BARHL1: variants seen among roughly 807,000 people sequenced by gnomAD.
BARHL1 encodes the protein BarH like homeobox 1.
BARHL1 carries 2 observed loss-of-function variants against 20.1 expected under a neutral mutation model. The observed-to-expected ratio is 0.10, with a 90% CI of 0.04 to 0.31. BARHL1 has a LOEUF of 0.31. Among genes scored for constraint, BARHL1 ranks in the 10% least tolerant of loss-of-function variants. The pLI is 1.00. For synonymous variants in BARHL1, 213 were observed against 209.9 expected (o/e 1.01, Z -0.13); for missense variants, 397 against 454.0 (o/e 0.87, Z 1.14).
At chr9:132,583,290 G>A (rs1053004172) in intron 1 of BARHL1, 27 bp downstream of exon 1, 1 of 1,571,612 alleles carries the variant, frequency 6.4e-7, no homozygotes, top group Non-Finnish European at 8.7e-7. Context: ...TGAAAACTTG[G>A]GGGGATGCTA....
At chr9:132,583,352 C>T (rs1034843228) in intron 1 of BARHL1, 89 bp downstream of exon 1, 22 of 1,213,430 alleles carry the variant, frequency 1.8e-5, no homozygotes, top group Middle Eastern at 2.0e-4. Context: ...GACATGCACT[C>T]GCTCACCTGG....
rs766626847 is a variant in BARHL1, at chr9:132,589,282, C to T, written c.744C>T (p.Gly248=). The T allele has an allele frequency of 6.2e-7, 1 of 1,613,212 alleles. No homozygotes were observed. Among genetic ancestry groups the T allele is most frequent in the Non-Finnish European group, 8.5e-7 (1 of 1,179,856 alleles). The stretch of plus-strand genomic sequence containing the variant: ...GGTTGGAGCTGCTGGCGGAGGCAGG[C>T]AATTACTCAGCGCTCCAGCGGATGT... ...AVGLELLAEA[G]NYSALQRMFP... The change falls in exon 3 of 3, where the codon GGC becomes GGT. Residue 248 remains glycine, a synonymous_variant. Transcript: ENST00000263610.
Position 132,589,286 on chromosome 9 carries a change from T to G in BARHL1, c.748T>G (p.Tyr250Asp). ...GLELLAEAGN[Y>D]SALQRMFPSP... ...GGAGCTGCTGGCGGAGGCAGGCAAT[T>G]ACTCAGCGCTCCAGCGGATGTTCCC... The change falls in exon 3 of 3, where the codon TAC becomes GAC. Residue 250 changes from tyrosine (Y) to aspartate (D), a missense_variant. This residue lies in a region of BARHL1 where 121 missense variants were observed against 135.9 expected (regional missense o/e 0.89). Transcript: ENST00000263610. The G allele has an allele frequency of 6.2e-7, 1 of 1,613,290 alleles. No individual in the cohort carries two copies. Among genetic ancestry groups the G allele is most frequent in the Non-Finnish European group, 8.5e-7 (1 of 1,179,890 alleles).
chr9:132,587,498 C>A lies in BARHL1; in HGVS notation c.636C>A (p.Ala212=). ...YLSVQDRMEL[A]ASLNLTDTQV... is the part of the protein sequence containing the mutation. ...GCGTGCAGGACCGCATGGAGCTCGC[C>A]GCCTCGCTCAACCTCACCGACACGC... Residue 212 remains alanine (A), a synonymous_variant, in exon 2 of 3, where the codon GCC becomes GCA. Transcript: ENST00000263610. The surrounding 1 kb of genome is among the most constrained non-coding windows in gnomAD (Gnocchi z 5.5). The A allele has an allele frequency of 6.2e-7, 1 of 1,612,662 alleles. No homozygotes were observed. The highest frequency in any genetic ancestry group is 8.5e-7 in the Non-Finnish European group (1 of 1,179,598).
intron 1 of BARHL1, 72 bp downstream of exon 1, chr9:132,583,335 A>C: frequency 1.2e-5 from 16 of 1,299,244 alleles, no homozygotes; most frequent in South Asian, 4.4e-5. Context: ...AGGAATACAC[A>C]TGGCGGGACA....
chr9:132,588,246 C>T (rs1479586172), intron 2 of BARHL1, among the ~76,000 whole-genome samples: 5 of 152,172 alleles, frequency 3.3e-5, no homozygotes, highest in Admixed American at 6.5e-5. Flanking sequence ...TAGCCACACA[C>T]CGACACACAC....
chr9:132,589,056 G>A (rs1209708562), intron 2 of BARHL1, among the ~76,000 whole-genome samples, 172 bp from the exon 3 acceptor site: 1 of 152,212 alleles, frequency 6.6e-6, no homozygotes, highest in Non-Finnish European at 1.5e-5. Flanking sequence ...GATAAAAGGA[G>A]AGGATGCACG....
At position 132,589,718 on chromosome 9, in the gene BARHL1, G is replaced by T; in HGVS notation, c.*196G>T. On this transcript the variant is annotated 3_prime_UTR_variant, in exon 3 of 3. Transcript: ENST00000263610. ...CCGGACCCCGGACTGCGTCTCCCCA[G>T]CCCCCCTCGGCGTCCTCTCTCGCGG... 1.4e-6 allele frequency: 1 copy of T among 704,620 alleles called. No individual in the cohort carries two copies. The highest frequency in any genetic ancestry group is 1.9e-6 in the Non-Finnish European group (1 of 517,200). 43.6% of individuals were successfully genotyped at this position (704,620 alleles called of 1,614,324 possible).
Position 132,582,683 on chromosome 9 carries a change from C to A in BARHL1, c.-115C>A. 1.0e-6 allele frequency: 1 copy of A among 992,278 alleles called. No individual in the cohort carries two copies. Among genetic ancestry groups the A allele is most frequent in the Non-Finnish European group, 1.5e-6 (1 of 681,148 alleles). The allele number at this position is 992,278 out of a possible 1,614,324, so 61.5% of individuals were successfully genotyped here. ...AAGGCTGAACTCCGTCCAAGGTGCC[C>A]GCAGGCTCCCTGCCCGCCTTCCCCA... On this transcript the variant is annotated 5_prime_UTR_variant, in exon 1 of 3. Coordinates refer to ENST00000263610, the MANE Select transcript of BARHL1 (RefSeq NM_020064.4).
chr9:132,587,603 A>G lies in BARHL1; in HGVS notation c.689+52A>G, dbSNP rs371244478. 2.1e-5 allele frequency: 31 copies of G among 1,508,694 alleles called. No individual in the cohort carries two copies. Among genetic ancestry groups the G allele is most frequent in the African/African-American group, 1.9e-4 (14 of 72,450 alleles). The allele number at this position is 1,508,694 out of a possible 1,614,324, so 93.5% of individuals were successfully genotyped here. A position where few individuals can be genotyped will look rare whatever the true frequency, so the allele number is the denominator to read the frequency against. On this transcript the variant is annotated intron_variant, in intron 2 of 2. Coordinates refer to ENST00000263610, the MANE Select transcript of BARHL1 (RefSeq NM_020064.4). This position sits in a 1 kb window ranked among gnomAD's most constrained non-coding sequence, Gnocchi z 5.5. ...CAGAAAGGGAACTTCCCCTTTCCTC[A>G]CAGCTCCTGGAGGGGACCAGGAGTC...
chr9:132,584,745 G>A (rs1830120038), intron 1 of BARHL1, among the ~76,000 whole-genome samples: 1 of 152,224 alleles, frequency 6.6e-6, no homozygotes, highest in South Asian at 2.1e-4. Flanking sequence ...GCCAGGAGGA[G>A]ATCCAGAGGC....
In BARHL1 at chr9:132,583,007, C is replaced by T. The variant is rs2119129838; in HGVS notation, c.210C>T (p.Ser70=). The T allele has an allele frequency of 1.9e-6, 3 of 1,613,780 alleles. No homozygotes were observed. The highest frequency in any genetic ancestry group is 2.5e-6 in the Non-Finnish European group (3 of 1,179,944). ...GGACCCCACGGCCTGGCGGGGCATC[C>T]GGCCCAGGTTTGGACTCCCACCTGC... ...ETGTPRPGGA[S]GPGLDSHLQP... is the part of the protein sequence containing the mutation. Residue 70 remains serine, a synonymous_variant, in exon 1 of 3, where the codon TCC becomes TCT. Coordinates refer to ENST00000263610, the MANE Select transcript of BARHL1 (RefSeq NM_020064.4).
chr9:132,585,627 A>G (rs916922803), intron 1 of BARHL1, among the ~76,000 whole-genome samples: 1 of 152,184 alleles, frequency 6.6e-6, no homozygotes, highest in African/African-American at 2.4e-5. Context: ...ACTGAGATGT[A>G]GCCTCTAGAA....
In BARHL1 at chr9:132,582,900, C is replaced by T. The variant is rs140268500; in HGVS notation, c.103C>T (p.Pro35Ser). The T allele has an allele frequency of 2.5e-6, 4 of 1,613,338 alleles. No individual in the cohort carries two copies. The highest frequency in any genetic ancestry group is 2.7e-5 in the African/African-American group (2 of 74,928). ...CCCCTTGCTCGGGGACTGCCGTTCGCCCCTGGAGCTGAGTCCACGCTCAGA... is the reference window on the plus strand; with the variant it reads ...CCCCTTGCTCGGGGACTGCCGTTCGTCCCTGGAGCTGAGTCCACGCTCAGA... ...GDPLLGDCRS[P>S]LELSPRSESS... Residue 35 changes from proline to serine, a missense_variant, in exon 1 of 3, where the codon CCC becomes TCC. By Grantham distance (74) the Pro-to-Ser change is moderately conservative. This residue lies in a region of BARHL1 where 272 missense variants were observed against 298.7 expected (regional missense o/e 0.91). Coordinates refer to ENST00000263610, the MANE Select transcript of BARHL1 (RefSeq NM_020064.4).
intron 1 of BARHL1, among the ~76,000 whole-genome samples, chr9:132,586,831 C>A (rs1304755822): frequency 6.6e-6 from 1 of 152,264 alleles, no homozygotes. Context: ...CCGGAGAGAG[C>A]AGGTTTTTGT....
In BARHL1 at chr9:132,589,585, C is replaced by T; in HGVS notation, c.*63C>T. On this transcript the variant is annotated 3_prime_UTR_variant, in exon 3 of 3. Coordinates refer to ENST00000263610, the MANE Select transcript of BARHL1 (RefSeq NM_020064.4). ...GGCGTGGCCCCTTCCGCCCGCCTTTCTGAGGGCGCAGGTTCGACGCCCTTT... is the reference window on the plus strand; with the variant it reads ...GGCGTGGCCCCTTCCGCCCGCCTTTTTGAGGGCGCAGGTTCGACGCCCTTT... 1 of 1,240,806 alleles carries T rather than the reference C, an allele frequency of 8.1e-7. No individual in the cohort carries two copies. The highest frequency in any genetic ancestry group is 3.7e-5 in the South Asian group (1 of 27,178). The allele number at this position is 1,240,806 out of a possible 1,614,324, so 76.9% of individuals were successfully genotyped here. A position where few individuals can be genotyped will look rare whatever the true frequency, so the allele number is the denominator to read the frequency against.
In BARHL1 at chr9:132,587,105, G is replaced by A. The variant is rs1767799058; in HGVS notation, c.467-224G>A. On this transcript the variant is annotated intron_variant, in intron 1 of 2. Coordinates refer to ENST00000263610, the MANE Select transcript of BARHL1 (RefSeq NM_020064.4). This position sits in a 1 kb window ranked among gnomAD's most constrained non-coding sequence, Gnocchi z 5.5. ...GGTTCTTTCTCCCCGGAGCTGCCCG[G>A]GGGGTCTCGGCCTCGGGCGCTCCCG... 6.6e-6 allele frequency among the ~76,000 whole-genome samples: 1 copy of A among 151,976 alleles called. No individual in the cohort carries two copies. Among genetic ancestry groups the A allele is most frequent in the African/African-American group, 2.4e-5 (1 of 41,444 alleles).
rs1830160654 is a variant in BARHL1, at chr9:132,587,879, C to G, written c.689+328C>G. Among the ~76,000 whole-genome samples the G allele has an allele frequency of 6.6e-6, 1 of 152,204 alleles. No homozygotes were observed. Among genetic ancestry groups the G allele is most frequent in the Non-Finnish European group, 1.5e-5 (1 of 68,032 alleles). ...GGTCTGCCTGGAGCCCCCACCTGAG[C>G]CAGCGTGGGTCTTGGAAGCCCCAGG... On this transcript the variant is annotated intron_variant, in intron 2 of 2. Transcript: ENST00000263610. This position sits in a 1 kb window ranked among gnomAD's most constrained non-coding sequence, Gnocchi z 5.5.
chr9:132,589,699 C>G lies in BARHL1; in HGVS notation c.*177C>G. 1 of 880,506 alleles carries G rather than the reference C, an allele frequency of 1.1e-6. No individual in the cohort carries two copies. The highest frequency in any genetic ancestry group is 1.5e-6 in the Non-Finnish European group (1 of 676,158). 54.5% of individuals were successfully genotyped at this position (880,506 alleles called of 1,614,324 possible). On this transcript the variant is annotated 3_prime_UTR_variant, in exon 3 of 3. Transcript: ENST00000263610. ...ATGCCAAGTCCACTGAGGCCCGGACCCCGGACTGCGTCTCCCCAGCCCCCC... is the reference window on the plus strand; with the variant it reads ...ATGCCAAGTCCACTGAGGCCCGGACGCCGGACTGCGTCTCCCCAGCCCCCC...
Sources: gnomAD v4.1 joint callset for allele counts (sites outside exome capture counted in the v4.1 genomes callset) on GRCh38, gnomAD v4.1.1 for gene constraint, gnomAD v4.1.1 regional missense constraint, Gnocchi (gnomAD v3.1) non-coding constraint, MANE v1.5 for transcripts, NCBI Gene and HGNC (gene_info 2026-07-23, HGNC 2026-07-21) for gene names.